Variants in GRID2IP observed in about 807,000 individuals in gnomAD.
GRID2IP encodes the protein delphilin.
A neutral mutation model predicts 114.3 loss-of-function variants in GRID2IP; 78 were observed. That is an observed-to-expected ratio of 0.68 (90% CI 0.57 to 0.82). The LOEUF (loss-of-function observed/expected upper bound fraction) is 0.82. Among genes scored for constraint, GRID2IP ranks in the 40% least tolerant of loss-of-function variants. GRID2IP has a pLI of 0.00. For missense variants in GRID2IP, 1,727 were observed against 1,678.5 expected (o/e 1.03, Z -0.51); for synonymous variants, 809 against 724.0 (o/e 1.12, Z -1.89).
Position 6,521,238 on chromosome 7 carries a change from T to G in GRID2IP, c.1084+191A>C, listed in dbSNP as rs1018764401. 1.3e-5 allele frequency among the ~76,000 whole-genome samples: 2 copies of G among 152,176 alleles called. No individual in the cohort carries two copies. Among genetic ancestry groups the G allele is most frequent in the African/African-American group, 4.8e-5 (2 of 41,444 alleles). ...CTCCCACCTTGGCCTCCCAAAGTGC[T>G]GGGATTCCAGGCATGAGCCACCATG... On this transcript the variant is annotated intron_variant, in intron 6 of 21. Transcript: ENST00000457091. The surrounding 1 kb of genome is among the most constrained non-coding windows in gnomAD (Gnocchi z 4.1).
In GRID2IP at chr7:6,508,083, G is replaced by A. The variant is rs1320361100; in HGVS notation, c.2446C>T (p.Arg816Trp). 43 of 1,545,482 alleles carry A rather than the reference G, an allele frequency of 2.8e-5. No individual in the cohort carries two copies. The highest frequency in any genetic ancestry group is 7.3e-5 in the East Asian group (3 of 40,900). ...TCACTGCGCCGGTGGCCCAGGCCCCGGGACAGCATGGGGGGTGCACAGGGC... is the reference window on the plus strand; with the variant it reads ...TCACTGCGCCGGTGGCCCAGGCCCCAGGACAGCATGGGGGGTGCACAGGGC... ...PVPCAPPMLSRGLGHRRSETS... is the reference protein window; with the variant it reads ...PVPCAPPMLSWGLGHRRSETS... The change falls in exon 13 of 22, where the codon CGG becomes TGG. Residue 816 changes from arginine to tryptophan, a missense_variant. By Grantham distance (101) the Arg-to-Trp change is moderately radical (BLOSUM62 -3). Coordinates refer to ENST00000457091, the MANE Select transcript of GRID2IP (RefSeq NM_001145118.2). The surrounding 1 kb of genome is among the most constrained non-coding windows in gnomAD (Gnocchi z 5.6).
chr7:6,518,194 C>A (rs937241733), intron 7 of GRID2IP, among the ~76,000 whole-genome samples: 1 of 151,982 alleles, frequency 6.6e-6, no homozygotes. Context: ...TGCACCACTG[C>A]ACTCCAGCTT....
rs1439877952 is a variant in GRID2IP at position 6,536,143 on chromosome 7, G to T, written c.584+3575C>A. Among the ~76,000 whole-genome samples the T allele has an allele frequency of 6.6e-6, 1 of 152,338 alleles. No homozygotes were observed. Among genetic ancestry groups the T allele is most frequent in the East Asian group, 1.9e-4 (1 of 5,172 alleles). ...GCCAGCACACTATGGGGCCATGGGT[G>T]ACTGGCCAGCCCTGGGGAGGGGGTT... On this transcript the variant is annotated intron_variant, in intron 2 of 21. Transcript: ENST00000457091. This position sits in a 1 kb window ranked among gnomAD's most constrained non-coding sequence, Gnocchi z 5.3.
intron 2 of GRID2IP, among the ~76,000 whole-genome samples, chr7:6,537,784 A>G (rs1016851967): frequency 2.0e-5 from 3 of 152,028 alleles, no homozygotes; most frequent in African/African-American, 7.2e-5. Flanking sequence ...CGGGAGGCAG[A>G]TGTTGCAGTA....
At position 6,501,770 on chromosome 7, in the gene GRID2IP, T is replaced by C. The variant is rs1786422405; in HGVS notation, c.3399+11A>G. On this transcript the variant is annotated intron_variant, in intron 20 of 21. Transcript: ENST00000457091. ...CCAGCCTGGTGCAGGAACAGGCTGC[T>C]CAGAGGATGCCGACATGACCATTGC... 1 of 1,542,530 alleles carries C rather than the reference T, an allele frequency of 6.5e-7. No individual in the cohort carries two copies. The highest frequency in any genetic ancestry group is 8.8e-7 in the Non-Finnish European group (1 of 1,139,230).
intron 1 of GRID2IP, among the ~76,000 whole-genome samples, chr7:6,545,360 T>C (rs1779871860): frequency 6.6e-6 from 1 of 152,192 alleles, no homozygotes; most frequent in Non-Finnish European, 1.5e-5. Flanking sequence ...TGGAGCCGTC[T>C]ACACGTGCTG....
rs968890799 is a variant in GRID2IP, at chr7:6,539,819, T to C, written c.483A>G (p.Ala161=). ...QPTAKEQVFA[A]LKQFAAEQRV... ...GCTGCTCAGCTGCAAACTGCTTCAG[T>C]GCAGCGAACACCTGCTCCTTGGCAG... The change falls in exon 2 of 22, where the codon GCA becomes GCG. Residue 161 remains alanine, a synonymous_variant. Transcript: ENST00000457091. The C allele has an allele frequency of 1.3e-6, 2 of 1,551,184 alleles. No individual in the cohort carries two copies. The highest frequency in any genetic ancestry group is 2.7e-5 in the African/African-American group (2 of 73,130).
intron 1 of GRID2IP, among the ~76,000 whole-genome samples, chr7:6,548,429 C>T (rs980926898): frequency 2.6e-5 from 4 of 152,194 alleles, no homozygotes; most frequent in Non-Finnish European, 4.4e-5. Flanking sequence ...GGGATGGGTA[C>T]CCCATTCTCC....
chr7:6,524,895 A>G (rs1779479854), intron 4 of GRID2IP, among the ~76,000 whole-genome samples: 1 of 151,440 alleles, frequency 6.6e-6, no homozygotes, highest in Non-Finnish European at 1.5e-5. Context: ...TTTTTTCTGT[A>G]TTTTTAGTAG....
chr7:6,537,673 C>T (rs1403415749), intron 2 of GRID2IP, among the ~76,000 whole-genome samples: 2 of 151,526 alleles, frequency 1.3e-5, no homozygotes, highest in Non-Finnish European at 2.9e-5. Context: ...CCACTGTGCC[C>T]GGCTGAGACC....
At chr7:6,510,234 G>C in intron 11 of GRID2IP, 49 bp downstream of exon 11, 1 of 1,282,424 alleles carries the variant, frequency 7.8e-7, no homozygotes, top group South Asian at 1.3e-5. Context: ...GCTGAGCCTG[G>C]GGTGGAGGGA....
At chr7:6,540,605 C>A (rs1276641389) in intron 1 of GRID2IP, among the ~76,000 whole-genome samples, 4 of 151,400 alleles carry the variant, frequency 2.6e-5, no homozygotes, top group Non-Finnish European at 2.9e-5. Context: ...ACTGCAACCT[C>A]CGCCTCCCAA....
In GRID2IP at chr7:6,507,828, A is replaced by G. The variant is rs1423919523; in HGVS notation, c.2544+157T>C. On this transcript the variant is annotated intron_variant, in intron 13 of 21. Coordinates refer to ENST00000457091, the MANE Select transcript of GRID2IP (RefSeq NM_001145118.2). This position sits in a 1 kb window ranked among gnomAD's most constrained non-coding sequence, Gnocchi z 5.3. Reference sequence around the variant, plus strand: ...GCTTCAATGCCTGCAGTGGCCCCCAAGCGTGGGGACGTTCTTGGGCTGGGC... The same window carrying G: ...GCTTCAATGCCTGCAGTGGCCCCCAGGCGTGGGGACGTTCTTGGGCTGGGC... Among the ~76,000 whole-genome samples, 1 of 152,176 alleles carries G rather than the reference A, an allele frequency of 6.6e-6. No homozygotes were observed. Among genetic ancestry groups the G allele is most frequent in the Non-Finnish European group, 1.5e-5 (1 of 68,034 alleles).
intron 1 of GRID2IP, among the ~76,000 whole-genome samples, chr7:6,540,316 T>C (rs1368997942): frequency 4.0e-5 from 6 of 151,656 alleles, no homozygotes; most frequent in Non-Finnish European, 8.8e-5. Flanking sequence ...TTCTCCATGT[T>C]GGTCAGGCTA....
At position 6,516,466 on chromosome 7, in the gene GRID2IP, CAA is replaced by C. The variant is rs1338324477; in HGVS notation, c.1269-1939_1269-1938del. Among the ~76,000 whole-genome samples the C allele has an allele frequency of 2.6e-5, 4 of 151,744 alleles. No homozygotes were observed. The highest frequency in any genetic ancestry group is 6.6e-5 in the Admixed American group (1 of 15,228). On this transcript the variant is annotated intron_variant, in intron 7 of 21. Coordinates refer to ENST00000457091, the MANE Select transcript of GRID2IP (RefSeq NM_001145118.2). This position sits in a 1 kb window ranked among gnomAD's most constrained non-coding sequence, Gnocchi z 4.3. ...GACACGGTGAGAAGTGACCAAAAGA[CAA>C]GAGTGTGAGCCCTCCGTTATGCCTG... is the stretch of plus-strand genomic sequence containing the variant.
intron 1 of GRID2IP, 36 bp from the exon 2 acceptor site, chr7:6,539,908 T>C (rs905581672): frequency 1.3e-6 from 2 of 1,536,282 alleles, no homozygotes; most frequent in Non-Finnish European, 1.8e-6. Context: ...CCAAAAGGGA[T>C]CCAGAGTGGA....
In GRID2IP at chr7:6,509,194, C is replaced by A. The variant is rs1009752714; in HGVS notation, c.1891G>T (p.Ala631Ser). Reference protein sequence around the residue: ...SPSSSESHPYASLDSSRAPSP... With the variant: ...SPSSSESHPYSSLDSSRAPSP... Reference sequence around the variant, plus strand: ...GGTGCCCTGCTGCTGTCCAGGCTGGCGTAGGGGTGGGACTCAGAGCTGCTG... The same window carrying A: ...GGTGCCCTGCTGCTGTCCAGGCTGGAGTAGGGGTGGGACTCAGAGCTGCTG... Residue 631 changes from alanine (A) to serine (S), a missense_variant, in exon 12 of 22, where the codon GCC becomes TCC. Transcript: ENST00000457091. This position sits in a 1 kb window ranked among gnomAD's most constrained non-coding sequence, Gnocchi z 4.9. 23 of 1,482,128 alleles carry A rather than the reference C, an allele frequency of 1.6e-5. No homozygotes were observed. The highest frequency in any genetic ancestry group is 1.2e-4 in the South Asian group (9 of 73,926). 91.8% of individuals were successfully genotyped at this position (1,482,128 alleles called of 1,614,324 possible).
Position 6,506,514 on chromosome 7 carries a change from G to T in GRID2IP, c.2545-607C>A, listed in dbSNP as rs1583334760. ...CTGCAGGGCAGGGACACTGAGGATG[G>T]ATTTGGGTTTGGCCACATGTGTGAC... On this transcript the variant is annotated intron_variant, in intron 13 of 21. Transcript: ENST00000457091. The surrounding 1 kb of genome is among the most constrained non-coding windows in gnomAD (Gnocchi z 5.2). Among the ~76,000 whole-genome samples, 2 of 152,288 alleles carry T rather than the reference G, an allele frequency of 1.3e-5. No individual in the cohort carries two copies. The highest frequency in any genetic ancestry group is 3.9e-4 in the East Asian group (2 of 5,172).
chr7:6,523,365 G>C lies in GRID2IP; in HGVS notation c.920-1408C>G, dbSNP rs578144282. On this transcript the variant is annotated intron_variant, in intron 4 of 21. Coordinates refer to ENST00000457091, the MANE Select transcript of GRID2IP (RefSeq NM_001145118.2). The surrounding 1 kb of genome is among the most constrained non-coding windows in gnomAD (Gnocchi z 4.5). ...CCTGCCTGGAATGGTGGGACAGCTA[G>C]AGAGGTTGTCGCAGGGGATCAAAGA... is the stretch of plus-strand genomic sequence containing the variant. Among the ~76,000 whole-genome samples the C allele has an allele frequency of 5.9e-5, 9 of 152,176 alleles. No individual in the cohort carries two copies. The highest frequency in any genetic ancestry group is 1.9e-4 in the African/African-American group (8 of 41,542).
Sources: gnomAD v4.1 joint callset for allele counts (sites outside exome capture counted in the v4.1 genomes callset) on GRCh38, gnomAD v4.1.1 for gene constraint, Gnocchi (gnomAD v3.1) non-coding constraint, MANE v1.5 for transcripts, NCBI Gene and HGNC (gene_info 2026-07-23, HGNC 2026-07-21) for gene names.